The following NAGPA variants were observed in gnomAD, a reference collection of about 807,000 sequenced individuals.
The protein encoded by NAGPA is N-acetylglucosamine-1-phosphodiester alpha-N-acetylglucosaminidase.
Under a neutral mutation model 48.5 loss-of-function variants are expected in NAGPA, and 56 were observed. The observed-to-expected ratio is 1.15, with a 90% CI of 0.93 to 1.44. NAGPA has a LOEUF of 1.44. Ranked by LOEUF, NAGPA falls within the 40% of genes most tolerant of loss-of-function variation. The probability of loss-of-function intolerance (pLI) is 0.00; values close to 1 mark genes in which losing one functional copy is unlikely to be tolerated. For synonymous variants in NAGPA, 399 were observed against 315.5 expected, an observed-to-expected ratio of 1.26 and a Z score of -2.81; for missense variants, 888 against 735.0, an observed-to-expected ratio of 1.21 and a Z score of -2.41.
chr16:5,029,036 C>T (rs776158617), intron 4 of NAGPA, 28 bp from the exon 5 acceptor site: 5 of 1,610,472 alleles, frequency 3.1e-6, no homozygotes, highest in African/African-American at 2.7e-5. Flanking sequence ...GCTGCTCAGG[C>T]TCAGCGCCCA....
intron 4 of NAGPA, 174 bp from the exon 5 acceptor site, chr16:5,029,182 A>G: frequency 9.4e-7 from 1 of 1,059,058 alleles, no homozygotes; most frequent in Non-Finnish European, 1.4e-6. Flanking sequence ...ACGTGAGATC[A>G]CACCCATGCC....
chr16:5,027,002 A>T, intron 9 of NAGPA, 133 bp downstream of exon 9: 1 of 1,111,058 alleles, frequency 9.0e-7, no homozygotes, highest in Non-Finnish European at 1.3e-6. Flanking sequence ...GACAGTGGGG[A>T]GAGCTGGTCC....
intron 4 of NAGPA, 34 bp downstream of exon 4, chr16:5,030,351 C>T: frequency 1.3e-6 from 2 of 1,538,650 alleles, no homozygotes; most frequent in Non-Finnish European, 1.8e-6. Context: ...CAGGACTGAG[C>T]CCCGGCCGGG....
intron 4 of NAGPA, 21 bp downstream of exon 4, chr16:5,030,364 G>A (rs538769563): frequency 1.3e-6 from 2 of 1,546,270 alleles, no homozygotes; most frequent in Admixed American, 2.0e-5. Flanking sequence ...CGGCCGGGGG[G>A]CCTCAGCTCC....
Position 5,025,696 on chromosome 16 carries a change from G to C in NAGPA, c.1341-11C>G, listed in dbSNP as rs1426259819. 1.3e-6 allele frequency: 2 copies of C among 1,589,048 alleles called. No homozygotes were observed. The highest frequency in any genetic ancestry group is 1.7e-6 in the Non-Finnish European group (2 of 1,167,924). ...GCTAGCCAGGCGGTCCTGCAGACAG[G>C]AGAGAAGCCCCAAGTGGGGGACTGC... On this transcript the variant is annotated splice_polypyrimidine_tract_variant and intron_variant, in intron 9 of 9. Coordinates refer to ENST00000312251, the MANE Select transcript of NAGPA (RefSeq NM_016256.4).
intron 2 of NAGPA, chr16:5,032,997 T>G: frequency 2.0e-5 from 11 of 543,132 alleles, no homozygotes; most frequent in Non-Finnish European, 2.3e-5. Flanking sequence ...TTACCCGGCT[T>G]TTGTTGATTT....
Position 5,025,600 on chromosome 16 carries a change from C to T in NAGPA, c.1426G>A (p.Ala476Thr). ...AANLSLLLSR[A>T]ERNRRLHGDY... ...CCATGCAGGCGCCGGTTCCTCTCTG[C>T]TCTGGACAGGAGCAAGGACAGGTTT... The change falls in exon 10 of 10, where the codon GCA becomes ACA. Residue 476 changes from alanine (A) to threonine (T), a missense_variant. Physicochemically the swap from Ala to Thr is moderately conservative, Grantham distance 58 (BLOSUM62 0). Coordinates refer to ENST00000312251, the MANE Select transcript of NAGPA (RefSeq NM_016256.4). The T allele has an allele frequency of 1.2e-6, 2 of 1,613,980 alleles. No individual in the cohort carries two copies. Among genetic ancestry groups the T allele is most frequent in the Non-Finnish European group, 1.7e-6 (2 of 1,180,038 alleles).
At chr16:5,027,790 T>C (rs998964972) in intron 7 of NAGPA, 56 bp downstream of exon 7, 1 of 1,547,978 alleles carries the variant, frequency 6.5e-7, no homozygotes, top group African/African-American at 1.4e-5. Flanking sequence ...AGAGGAGCAG[T>C]GGGGGCTGCC....
Position 5,033,874 on chromosome 16 carries a change from G to A in NAGPA, c.41C>T (p.Ala14Val). ...STGRWLLLRL[A>V]LFGFLWEASG... is the part of the protein sequence containing the mutation. ...CGCTTCCCAGAGGAAGCCGAATAGTGCAAGCCGGAGGAGAAGCCAGCGACC... is the reference window on the plus strand; with the variant it reads ...CGCTTCCCAGAGGAAGCCGAATAGTACAAGCCGGAGGAGAAGCCAGCGACC... Residue 14 changes from alanine (A) to valine (V), a missense_variant, in exon 1 of 10, where the codon GCA becomes GTA. Physicochemically the swap from Ala to Val is moderately conservative, Grantham distance 64. Transcript: ENST00000312251. The surrounding 1 kb of genome is among the most constrained non-coding windows in gnomAD (Gnocchi z 4.2). 6.5e-7 allele frequency: 1 copy of A among 1,549,346 alleles called. No homozygotes were observed. Among genetic ancestry groups the A allele is most frequent in the East Asian group, 2.4e-5 (1 of 40,908 alleles).
chr16:5,033,441 T>A lies in NAGPA; in HGVS notation c.374A>T (p.Glu125Val). Reference sequence around the variant, plus strand: ...ACGGCAGTCGGCCGCCCGCGCCGTCTCCTCCACGGTGGCGCGTCGTCTCGC... The same window carrying A: ...ACGGCAGTCGGCCGCCCGCGCCGTCACCTCCACGGTGGCGCGTCGTCTCGC... ...CAARRRATVE[E>V]TARAADCRVA... Residue 125 changes from glutamate (E) to valine (V), a missense_variant, in exon 2 of 10, where the codon GAG becomes GTG. Coordinates refer to ENST00000312251, the MANE Select transcript of NAGPA (RefSeq NM_016256.4). This position sits in a 1 kb window ranked among gnomAD's most constrained non-coding sequence, Gnocchi z 4.2. 6.3e-7 allele frequency: 1 copy of A among 1,591,656 alleles called. No individual in the cohort carries two copies. Among genetic ancestry groups the A allele is most frequent in the Non-Finnish European group, 8.5e-7 (1 of 1,176,892 alleles).
rs1567141744 is a variant in NAGPA at position 5,031,867 on chromosome 16, T to A, written c.560A>T (p.Glu187Val). The change falls in exon 3 of 10, where the codon GAG (glutamate) becomes GTG (valine). Residue 187 changes from glutamate (E) to valine (V), a missense_variant. By Grantham distance (121) the Glu-to-Val change is moderately radical. Transcript: ENST00000312251. The stretch of plus-strand genomic sequence containing the variant: ...AAATGGGTTCTCAGTGTCCAGCACC[T>A]CCTCCTCAGACAGGTACCTGGATCC... Reference protein sequence around the residue: ...TLVTGYLSEEEVLDTENPFVQ... With the variant: ...TLVTGYLSEEVVLDTENPFVQ... The A allele has an allele frequency of 5.0e-6, 8 of 1,614,008 alleles. No individual in the cohort carries two copies. Among genetic ancestry groups the A allele is most frequent in the Non-Finnish European group, 5.1e-6 (6 of 1,179,984 alleles).
In NAGPA at chr16:5,028,059, C is replaced by G. The variant is rs1439530062; in HGVS notation, c.1047G>C (p.Gly349=). The part of the protein sequence containing the change: ...TCVDGHCQCT[G]HFWRGPGCDE... ...CACAGCCGGGACCCCGCCAGAAGTG[C>G]CCGGTGCATTGGCAGTGCCCGTCCA... The change falls in exon 6 of 10, where the codon GGG becomes GGC. Residue 349 remains glycine (G), a synonymous_variant. Transcript: ENST00000312251. 1 of 1,613,734 alleles carries G rather than the reference C, an allele frequency of 6.2e-7. No individual in the cohort carries two copies. Among genetic ancestry groups the G allele is most frequent in the Non-Finnish European group, 8.5e-7 (1 of 1,179,940 alleles).
At chr16:5,032,998 T>G in intron 2 of NAGPA, 4 of 557,260 alleles carry the variant, frequency 7.2e-6, no homozygotes, top group East Asian at 3.1e-5. Context: ...TACCCGGCTT[T>G]TGTTGATTTT....
rs1955971046 is a variant in NAGPA, at chr16:5,025,077, C to A, written c.*401G>T. ...CACAGCCAGGAAGGCAGACTCGTCC[C>A]TTTAACCCACTCCAGCCAGGGGTGC... On this transcript the variant is annotated 3_prime_UTR_variant, in exon 10 of 10. Coordinates refer to ENST00000312251, the MANE Select transcript of NAGPA (RefSeq NM_016256.4). The A allele has an allele frequency of 3.9e-6, 1 of 254,130 alleles. No homozygotes were observed. Among genetic ancestry groups the A allele is most frequent in the African/African-American group, 2.2e-5 (1 of 45,968 alleles). The allele number at this position is 254,130 out of a possible 1,614,324, so 15.7% of individuals were successfully genotyped here.
intron 8 of NAGPA, 35 bp from the exon 9 acceptor site, chr16:5,027,233 A>AG (rs1222717797): frequency 6.2e-7 from 1 of 1,614,008 alleles, no homozygotes; most frequent in East Asian, 2.2e-5. Context: ...AAGGGGCCGG[A>AG]GCAGGAGCGT....
intron 3 of NAGPA, 112 bp downstream of exon 3, chr16:5,031,633 G>A: frequency 2.8e-6 from 4 of 1,433,022 alleles, no homozygotes; most frequent in Non-Finnish European, 3.9e-6. Flanking sequence ...CCAGAATAGT[G>A]CTGGGCACAA....
rs555955627 is a variant in NAGPA at position 5,024,875 on chromosome 16, T to C, written c.*603A>G. ...ATCCACACACCACCTGGTGGCTCCT[T>C]TTATTATATCAATTTATTCAAGTGA... On this transcript the variant is annotated 3_prime_UTR_variant, in exon 10 of 10. Coordinates refer to ENST00000312251, the MANE Select transcript of NAGPA (RefSeq NM_016256.4). 1 of 156,814 alleles carries C rather than the reference T, an allele frequency of 6.4e-6. No individual in the cohort carries two copies. The highest frequency in any genetic ancestry group is 1.9e-4 in the South Asian group (1 of 5,164). 9.7% of individuals were successfully genotyped at this position (156,814 alleles called of 1,614,324 possible).
chr16:5,028,785 C>T, intron 5 of NAGPA, 95 bp downstream of exon 5: 1 of 1,595,084 alleles, frequency 6.3e-7, no homozygotes, highest in Admixed American at 1.7e-5. Context: ...ACCCCCGGGG[C>T]CTGGCACATA....
At position 5,028,140 on chromosome 16, in the gene NAGPA, C is replaced by A. The variant is rs1167480420; in HGVS notation, c.966G>T (p.Val322=). Reference sequence around the variant, plus strand: ...GCTGGCAGCGGGGTTCGTGCACACACACCACGGTGGACACTTGGCGGGGAC... The same window carrying A: ...GCTGGCAGCGGGGTTCGTGCACACAAACCACGGTGGACACTTGGCGGGGAC... The part of the protein sequence containing the change: ...WRCPRQVSTV[V]CVHEPRCQPP... Residue 322 remains valine (V), a synonymous_variant, in exon 6 of 10, where the codon GTG becomes GTT. Transcript: ENST00000312251. 1.3e-6 allele frequency: 2 copies of A among 1,594,180 alleles called. No homozygotes were observed. Among genetic ancestry groups the A allele is most frequent in the South Asian group, 2.3e-5 (2 of 88,838 alleles).
Sources: gnomAD v4.1 joint callset for allele counts on GRCh38, gnomAD v4.1.1 for gene constraint, Gnocchi (gnomAD v3.1) non-coding constraint, MANE v1.5 for transcripts, NCBI Gene and HGNC (gene_info 2026-07-23, HGNC 2026-07-21) for gene names.